Variants in GSTM4 observed in about 807,000 individuals in gnomAD.
GSTM4 encodes the protein GST class-mu 4.
In GSTM4, 27 loss-of-function variants were observed where a neutral mutation model predicts 30.1. The ratio of observed to expected loss-of-function variants is 0.90; its 90% CI spans 0.66 to 1.24. The LOEUF (loss-of-function observed/expected upper bound fraction) is 1.24, where lower values mean the gene tolerates loss of function less well. Ranked by LOEUF, GSTM4 falls within the 50% of genes most tolerant of loss-of-function variation. GSTM4 has a pLI of 0.00. For missense variants in GSTM4, 238 were observed against 272.1 expected, an observed-to-expected ratio of 0.87 and a Z score of 0.88; for synonymous variants, 94 against 96.2, an observed-to-expected ratio of 0.98 and a Z score of 0.13.
chr1:109,657,453 T>G, intron 3 of GSTM4, 137 bp from the exon 4 acceptor site: 1 of 1,448,208 alleles, frequency 6.9e-7, no homozygotes. Flanking sequence ...TTTGTTCATG[T>G]GACAGTATTT....
intron 7 of GSTM4, 104 bp from the exon 8 acceptor site, chr1:109,661,061 A>C (rs1652288632): frequency 6.6e-7 from 1 of 1,512,544 alleles, no homozygotes; most frequent in East Asian, 2.3e-5. Context: ...GCCCACGTGG[A>C]AAGGCTGTGG....
chr1:109,657,791 G>C lies in GSTM4; in HGVS notation c.279G>C (p.Glu93Asp). 4.3e-6 allele frequency: 7 copies of C among 1,614,210 alleles called. No individual in the cohort carries two copies. The highest frequency in any genetic ancestry group is 5.9e-6 in the Non-Finnish European group (7 of 1,180,040). ...KHNLCGETEE[E>D]KIRVDILENQ... ...TGGCAGGTGGGGAGACAGAAGAGGA[G>C]AAGATTCGTGTGGACATTTTGGAGA... Residue 93 changes from glutamate (E) to aspartate (D), a missense_variant, in exon 5 of 8, where the codon GAG (glutamate) becomes GAC (aspartate). Physicochemically the swap from Glu to Asp is conservative, Grantham distance 45. Coordinates refer to ENST00000369836, the MANE Select transcript of GSTM4 (RefSeq NM_000850.5).
downstream of GSTM4, among the ~76,000 whole-genome samples, chr1:109,665,846 G>A (rs1347996964): frequency 6.6e-6 from 1 of 152,166 alleles, no homozygotes; most frequent in African/African-American, 2.4e-5. Flanking sequence ...CATTTTGGGT[G>A]AGGGTCTCTG....
downstream of GSTM4, among the ~76,000 whole-genome samples, chr1:109,664,231 G>A (rs191903328): frequency 2.0e-5 from 3 of 150,096 alleles, no homozygotes; most frequent in East Asian, 6.0e-4. Flanking sequence ...TCCTTCTCTG[G>A]TTTTTGGGTA....
chr1:109,656,100 T>A lies in GSTM4; in HGVS notation c.-290T>A. The A allele has an allele frequency of 2.4e-6, 1 of 424,536 alleles. No homozygotes were observed. Among genetic ancestry groups the A allele is most frequent in the Non-Finnish European group, 4.4e-6 (1 of 227,832 alleles). The allele number at this position is 424,536 out of a possible 1,614,324, so 26.3% of individuals were successfully genotyped here. A position where few individuals can be genotyped will look rare whatever the true frequency, so the allele number is the denominator to read the frequency against. On this transcript the variant is annotated 5_prime_UTR_variant, in exon 1 of 8. Transcript: ENST00000369836. ...GAAGCTGGCGAGGCCGAGCCCCTCC[T>A]AGTGCTTCCGGACCTTGCTCCCTGA...
downstream of GSTM4, among the ~76,000 whole-genome samples, chr1:109,666,871 AC>A (rs767857340): frequency 1.3e-5 from 2 of 151,950 alleles, no homozygotes; most frequent in Non-Finnish European, 2.9e-5. Context: ...GATTACAGGC[AC>A]CCGCCACCAG....
chr1:109,658,973 A>T, intron 6 of GSTM4, 27 bp from the exon 7 acceptor site: 1 of 1,613,498 alleles, frequency 6.2e-7, no homozygotes. Context: ...CAGAGATTCC[A>T]GCCCACACAT....
chr1:109,667,213 T>C (rs184448295), downstream of GSTM4, among the ~76,000 whole-genome samples: 1 of 148,532 alleles, frequency 6.7e-6, no homozygotes, highest in African/African-American at 2.4e-5. Flanking sequence ...ATAATAGAAA[T>C]CATAATATAA....
chr1:109,658,578 T>G, intron 5 of GSTM4: 1 of 540,240 alleles, frequency 1.9e-6, no homozygotes, highest in Non-Finnish European at 3.3e-6. Flanking sequence ...GGGAGGTCAG[T>G]GGGGACAGAT....
At position 109,657,222 on chromosome 1, in the gene GSTM4, C is replaced by T. The variant is rs3173170; in HGVS notation, c.120C>T (p.Asp40=). Residue 40 remains aspartate (D), a synonymous_variant, in exon 3 of 8, where the codon GAC becomes GAT. Transcript: ENST00000369836. The part of the protein sequence containing the change: ...EKKYTMGDAP[D]YDRSQWLNEK... ...TCTTCTTCCCCACGGCAGCTCCTGACTATGACAGAAGCCAGTGGCTGAATG... is the reference window on the plus strand; with the variant it reads ...TCTTCTTCCCCACGGCAGCTCCTGATTATGACAGAAGCCAGTGGCTGAATG... 1.2e-6 allele frequency: 2 copies of T among 1,612,584 alleles called. No homozygotes were observed. Among genetic ancestry groups the T allele is most frequent in the Admixed American group, 1.7e-5 (1 of 60,016 alleles).
At position 109,658,908 on chromosome 1, in the gene GSTM4, A is replaced by G; in HGVS notation, c.455A>G (p.Lys152Arg). ...LGKRPWFVGD[K>R]ITFVDFLAYD... is the part of the protein sequence containing the mutation. ...AAGAGGCCATGGTTTGTTGGAGACA[A>G]GGTAATGGGGGCATGTGATGAGGAC... is the stretch of plus-strand genomic sequence containing the variant. Residue 152 changes from lysine to arginine, a missense_variant and splice_region_variant, in exon 6 of 8, where the codon AAG (lysine) becomes AGG (arginine). By Grantham distance (26) the Lys-to-Arg change is conservative. Transcript: ENST00000369836. The G allele has an allele frequency of 6.2e-7, 1 of 1,613,240 alleles. No homozygotes were observed. The highest frequency in any genetic ancestry group is 8.5e-7 in the Non-Finnish European group (1 of 1,179,128).
At chr1:109,658,183 T>C in intron 5 of GSTM4, 1 of 405,118 alleles carries the variant, frequency 2.5e-6, no homozygotes, top group Non-Finnish European at 4.6e-6. Context: ...CATCTGCCTG[T>C]TCGGGGAATA....
chr1:109,666,691 G>T (rs72987096), downstream of GSTM4, among the ~76,000 whole-genome samples: 1,529 of 152,244 alleles, frequency 0.01, 26 homozygotes, highest in African/African-American at 0.035. Context: ...TGAGGACCTT[G>T]TTTCTCCCAC....
At chr1:109,658,528 G>T in intron 5 of GSTM4, 1 of 440,050 alleles carries the variant, frequency 2.3e-6, no homozygotes, top group Non-Finnish European at 4.1e-6. Context: ...AGCCTGCCAG[G>T]TACTCAGGTG....
At position 109,656,780 on chromosome 1, in the gene GSTM4, G is replaced by A; in HGVS notation, c.105G>A (p.Met35Ile). 1 of 1,613,842 alleles carries A rather than the reference G, an allele frequency of 6.2e-7. No individual in the cohort carries two copies. The highest frequency in any genetic ancestry group is 8.5e-7 in the Non-Finnish European group (1 of 1,179,732). Residue 35 changes from methionine to isoleucine, a missense_variant, in exon 2 of 8, where the codon ATG (methionine) becomes ATA (isoleucine). Physicochemically the swap from Met to Ile is conservative, Grantham distance 10. Transcript: ENST00000369836. Reference protein sequence around the residue: ...DSSYEEKKYTMGDAPDYDRSQ... With the variant: ...DSSYEEKKYTIGDAPDYDRSQ... ...GCTACGAGGAAAAGAAGTATACGAT[G>A]GGGGACGGTAATGACACCCTTGTGT...
At chr1:109,656,690 A>G (rs759976417) in intron 1 of GSTM4, 22 bp from the exon 2 acceptor site, 6 of 1,611,614 alleles carry the variant, frequency 3.7e-6, no homozygotes, top group South Asian at 1.1e-5. Flanking sequence ...CTCTGACACG[A>G]CCTGCGGGCC....
intron 1 of GSTM4, 111 bp from the exon 2 acceptor site, chr1:109,656,595 CGCCGGG>C (rs1652004021): frequency 2.2e-5 from 14 of 646,502 alleles, no homozygotes; most frequent in African/African-American, 4.3e-5. Context: ...TGTGTGCGTG[CGCCGGG>C]GTGGGGGGGG....
chr1:109,664,226 C>G (rs929815949), downstream of GSTM4, among the ~76,000 whole-genome samples: 2 of 151,218 alleles, frequency 1.3e-5, no homozygotes, highest in African/African-American at 4.9e-5. Context: ...CTAATTCCTT[C>G]TCTGGTTTTT....
Position 109,656,250 on chromosome 1 carries a change from AC to A in GSTM4, c.-138del. ...GAAGATCGGCCGGTTGGAAGTGACGACCTTGAAGATCGGCGGGCGCAGCGGG... is the reference window on the plus strand; with the variant it reads ...GAAGATCGGCCGGTTGGAAGTGACGACTTGAAGATCGGCGGGCGCAGCGGG... On this transcript the variant is annotated 5_prime_UTR_variant, in exon 1 of 8. Coordinates refer to ENST00000369836, the MANE Select transcript of GSTM4 (RefSeq NM_000850.5). The A allele has an allele frequency of 1.2e-6, 1 of 826,574 alleles. No individual in the cohort carries two copies. Among genetic ancestry groups the A allele is most frequent in the Non-Finnish European group, 2.1e-6 (1 of 473,208 alleles). The allele number at this position is 826,574 out of a possible 1,614,324, so 51.2% of individuals were successfully genotyped here. A position where few individuals can be genotyped will look rare whatever the true frequency, so the allele number is the denominator to read the frequency against.
Sources: gnomAD v4.1 joint callset for allele counts (sites outside exome capture counted in the v4.1 genomes callset) on GRCh38, gnomAD v4.1.1 for gene constraint, MANE v1.5 for transcripts, NCBI Gene and HGNC (gene_info 2026-07-23, HGNC 2026-07-21) for gene names.